Variants in MCM2 observed in about 807,000 individuals in gnomAD.
MCM2 encodes DNA replication licensing factor MCM2.
In MCM2, 49 loss-of-function variants were observed where a neutral mutation model predicts 86.4. That is an observed-to-expected ratio of 0.57 (90% confidence interval 0.45 to 0.72). The LOEUF (loss-of-function observed/expected upper bound fraction) is 0.72, where lower values mean the gene tolerates loss of function less well. Among genes scored for constraint, MCM2 ranks in the 30% least tolerant of loss-of-function variants. The probability of loss-of-function intolerance (pLI) is 0.00; values close to 1 mark genes in which losing one functional copy is unlikely to be tolerated. For missense variants in MCM2, 1,038 were observed against 1,259.9 expected, an observed-to-expected ratio of 0.82 and a Z score of 2.67; for synonymous variants, 475 against 484.6, an observed-to-expected ratio of 0.98 and a Z score of 0.26.
intron 13 of MCM2, 64 bp downstream of exon 13, chr3:127,619,342 A>G (rs1270210089): frequency 6.4e-7 from 1 of 1,564,788 alleles, no homozygotes; most frequent in Non-Finnish European, 8.7e-7. Context: ...GAGCCTTCTG[A>G]CCAATGCAGC....
chr3:127,605,228 G>A, intron 4 of MCM2, 72 bp downstream of exon 4: 1 of 1,565,828 alleles, frequency 6.4e-7, no homozygotes, highest in African/African-American at 1.3e-5. Context: ...AGTTGTCTGA[G>A]CCGAGTGAAC....
Position 127,621,695 on chromosome 3 carries a change from A to C in MCM2, c.2637A>C (p.Ala879=). 1 of 1,614,018 alleles carries C rather than the reference A, an allele frequency of 6.2e-7. No homozygotes were observed. The highest frequency in any genetic ancestry group is 8.5e-7 in the Non-Finnish European group (1 of 1,179,966). The change falls in exon 16 of 16, where the codon GCA becomes GCC. Residue 879 remains alanine (A), a synonymous_variant. Coordinates refer to ENST00000265056, the MANE Select transcript of MCM2 (RefSeq NM_004526.4). The part of the protein sequence containing the change: ...ARQINIHNLS[A]FYDSELFRMN... ...AGATCAACATCCACAACCTCTCTGC[A>C]TTTTATGACAGTGAGCTCTTCAGGA...
chr3:127,606,382 G>C lies in MCM2; in HGVS notation c.893+45G>C. 1 of 1,580,904 alleles carries C rather than the reference G, an allele frequency of 6.3e-7. No individual in the cohort carries two copies. The highest frequency in any genetic ancestry group is 1.1e-5 in the South Asian group (1 of 90,280). On this transcript the variant is annotated intron_variant, in intron 5 of 15. Transcript: ENST00000265056. The surrounding 1 kb of genome is among the most constrained non-coding windows in gnomAD (Gnocchi z 4.2). ...GGATGGCAGGTCCGAGCTCAGTGCT[G>C]GGTGACTCGGTCGTGATTCCTGAAG...
chr3:127,610,690 C>T, intron 8 of MCM2: 1 of 434,428 alleles, frequency 2.3e-6, no homozygotes. Context: ...TTTGCATCCA[C>T]CGTGAGAAGC....
chr3:127,604,044 C>T (rs960453609), intron 2 of MCM2, among the ~76,000 whole-genome samples: 2 of 152,198 alleles, frequency 1.3e-5, no homozygotes, highest in African/African-American at 2.4e-5. Context: ...CTGCCTTCAC[C>T]TCCCAAAGTG....
rs371150723 is a variant in MCM2, at chr3:127,604,793, G to A, written c.412+10G>A. The A allele has an allele frequency of 7.0e-6, 11 of 1,580,236 alleles. No individual in the cohort carries two copies. The highest frequency in any genetic ancestry group is 9.5e-6 in the Non-Finnish European group (11 of 1,163,276). ...CGTGGGCTCCTGTATGGTAGGTCCA[G>A]TTGTCTGCCTGCCCGAGGGACTGGG... On this transcript the variant is annotated intron_variant, in intron 3 of 15. Transcript: ENST00000265056.
chr3:127,620,096 T>C lies in MCM2; in HGVS notation c.2266-602T>C, dbSNP rs542711685. On this transcript the variant is annotated intron_variant, in intron 13 of 15. Transcript: ENST00000265056. Reference sequence around the variant, plus strand: ...TCTCAGTGTAGGGCCAAGGCCTTAATTGTTGATGTGCTTATTAAGTTCCAT... The same window carrying C: ...TCTCAGTGTAGGGCCAAGGCCTTAACTGTTGATGTGCTTATTAAGTTCCAT... Among the ~76,000 whole-genome samples the C allele has an allele frequency of 1.4e-4, 22 of 152,344 alleles. No individual in the cohort carries two copies. The South Asian group carries it at 4.6e-3, about 32-fold the overall frequency.
At chr3:127,608,342 G>C (rs753602356) in intron 6 of MCM2, 40 bp from the exon 7 acceptor site, 42 of 1,607,986 alleles carry the variant, frequency 2.6e-5, no homozygotes, top group Non-Finnish European at 3.1e-5. Context: ...AGGTGACATA[G>C]TAAGTCAGTG....
rs10716532 is a variant in MCM2, at chr3:127,609,837, C to CTTTT, written c.1428+838_1428+841dup. On this transcript the variant is annotated intron_variant, in intron 8 of 15. Transcript: ENST00000265056. The stretch of plus-strand genomic sequence containing the variant: ...CTTCCTCTGTTTCTCAGTCAACTTC[C>CTTTT]TTTTTTTTTTTTTTTTTTTTTTTTT... Among the ~76,000 whole-genome samples the CTTTT allele has an allele frequency of 1.6e-4, 11 of 69,110 alleles. 1 individual carries two copies. The highest frequency in any genetic ancestry group is 5.4e-4 in the African/African-American group (10 of 18,492). 45.3% of individuals were successfully genotyped at this position (69,110 alleles called of 152,430 possible).
At chr3:127,598,545 G>T (rs1408493188) in intron 1 of MCM2, 73 bp downstream of exon 1, 10 of 1,574,060 alleles carry the variant, frequency 6.4e-6, no homozygotes, top group Non-Finnish European at 8.6e-6. Flanking sequence ...CCGTACTCTG[G>T]CCCCGGCCCA....
At chr3:127,620,919 C>G in intron 14 of MCM2, 39 bp downstream of exon 14, 1 of 1,578,606 alleles carries the variant, frequency 6.3e-7, no homozygotes, top group Non-Finnish European at 8.6e-7. Flanking sequence ...TGGGCAAGCT[C>G]AGTGAAGGAG....
In MCM2 at chr3:127,606,072, A is replaced by G. The variant is rs768266515; in HGVS notation, c.674-46A>G. ...CACAGGCATTGTTGCAGCCCAGCCC[A>G]GGCCTCATGCTTAGTTAACTCTCTT... On this transcript the variant is annotated intron_variant, in intron 4 of 15. Coordinates refer to ENST00000265056, the MANE Select transcript of MCM2 (RefSeq NM_004526.4). This position sits in a 1 kb window ranked among gnomAD's most constrained non-coding sequence, Gnocchi z 4.2. 1.0e-5 allele frequency: 15 copies of G among 1,478,808 alleles called. No homozygotes were observed. The highest frequency in any genetic ancestry group is 1.1e-5 in the Non-Finnish European group (12 of 1,058,240). 91.6% of individuals were successfully genotyped at this position (1,478,808 alleles called of 1,614,324 possible).
At chr3:127,605,434 CTTTTTTTT>C (rs1227332481) in intron 4 of MCM2, among the ~76,000 whole-genome samples, 1 of 86,124 alleles carries the variant, frequency 1.2e-5, no homozygotes. Context: ...GGAATTGACT[CTTTTTTTT>C]TTTTTTTTTT....
chr3:127,599,149 G>C (rs2074282503), intron 1 of MCM2, 169 bp from the exon 2 acceptor site: 1 of 670,646 alleles, frequency 1.5e-6, no homozygotes, highest in Admixed American at 2.4e-5. Context: ...AGCATTCCAG[G>C]TGAGAGAACA....
Position 127,606,629 on chromosome 3 carries a change from C to G in MCM2, c.913C>G (p.Leu305Val), listed in dbSNP as rs1485130273. The change falls in exon 6 of 16, where the codon CTG becomes GTG. Residue 305 changes from leucine to valine, a missense_variant. Physicochemically the swap from Leu to Val is conservative, Grantham distance 32. Transcript: ENST00000265056. This position sits in a 1 kb window ranked among gnomAD's most constrained non-coding sequence, Gnocchi z 4.2. ...CCGCAGGCAGCTGCATCTGAACCAG[C>G]TGATCCGCACCAGTGGGGTGGTGAC... ...RSLRQLHLNQLIRTSGVVTSC... is the reference protein window; with the variant it reads ...RSLRQLHLNQVIRTSGVVTSC... 1 of 1,613,960 alleles carries G rather than the reference C, an allele frequency of 6.2e-7. No individual in the cohort carries two copies. The highest frequency in any genetic ancestry group is 1.7e-5 in the Admixed American group (1 of 60,008).
In MCM2 at chr3:127,616,900, G is replaced by A. The variant is rs773545652; in HGVS notation, c.1555G>A (p.Val519Met). ...GCACAAGGTACGTGGTGATATCAAC[G>A]TGCTCTTGTGCGGAGACCCTGGCAC... The part of the protein sequence containing the change: ...GKHKVRGDIN[V>M]LLCGDPGTAK... The change falls in exon 10 of 16, where the codon GTG becomes ATG. Residue 519 changes from valine (V) to methionine (M), a missense_variant. Transcript: ENST00000265056. 3.7e-6 allele frequency: 6 copies of A among 1,614,112 alleles called. No individual in the cohort carries two copies. Among genetic ancestry groups the A allele is most frequent in the South Asian group, 2.2e-5 (2 of 91,080 alleles).
chr3:127,615,968 C>A lies in MCM2; in HGVS notation c.1522+13C>A. ...CCCAAAAACCCAGGTGAGCACCCAC[C>A]TTTCCTCTGCAGGGGTGTTAGCAGC... is the stretch of plus-strand genomic sequence containing the variant. On this transcript the variant is annotated intron_variant, in intron 9 of 15. Coordinates refer to ENST00000265056, the MANE Select transcript of MCM2 (RefSeq NM_004526.4). 6.2e-7 allele frequency: 1 copy of A among 1,605,608 alleles called. No individual in the cohort carries two copies. The highest frequency in any genetic ancestry group is 8.5e-7 in the Non-Finnish European group (1 of 1,172,330).
In MCM2 at chr3:127,615,890, A is replaced by C. The variant is rs760949578; in HGVS notation, c.1457A>C (p.Tyr486Ser). 5.6e-6 allele frequency: 9 copies of C among 1,614,054 alleles called. No individual in the cohort carries two copies. The highest frequency in any genetic ancestry group is 6.8e-6 in the Non-Finnish European group (8 of 1,179,992). The change falls in exon 9 of 16, where the codon TAT becomes TCT. Residue 486 changes from tyrosine (Y) to serine (S), a missense_variant. By Grantham distance (144) the Tyr-to-Ser change is moderately radical. This residue lies in a region of MCM2 where 399 missense variants were observed against 507.2 expected (regional missense o/e 0.79). Transcript: ENST00000265056. Reference protein sequence around the residue: ...KIFASIAPSIYGHEDIKRGLA... With the variant: ...KIFASIAPSISGHEDIKRGLA... ...TTTGCCAGCATTGCTCCTTCCATCT[A>C]TGGTCATGAAGACATCAAGAGAGGC... is the stretch of plus-strand genomic sequence containing the variant.
intron 2 of MCM2, among the ~76,000 whole-genome samples, chr3:127,602,017 G>C (rs2074309463): frequency 6.6e-6 from 1 of 152,066 alleles, no homozygotes; most frequent in Non-Finnish European, 1.5e-5. Context: ...AGTTGTAAGA[G>C]GTTTTTTACA....
Sources: gnomAD v4.1 joint callset for allele counts (sites outside exome capture counted in the v4.1 genomes callset) on GRCh38, gnomAD v4.1.1 for gene constraint, gnomAD v4.1.1 regional missense constraint, Gnocchi (gnomAD v3.1) non-coding constraint, MANE v1.5 for transcripts, NCBI Gene and HGNC (gene_info 2026-07-23, HGNC 2026-07-21) for gene names.